PAX5: variants seen among roughly 807,000 people sequenced by gnomAD.
The protein encoded by PAX5 is paired box protein Pax-5.
Under a neutral mutation model 43.7 loss-of-function variants are expected in PAX5, and 9 were observed. The observed-to-expected ratio is 0.21, with a 90% CI of 0.12 to 0.36. The LOEUF is 0.36. Ranked by LOEUF, PAX5 falls within the 10% of genes least tolerant of loss-of-function variation. The pLI, the probability that PAX5 is intolerant of heterozygous loss-of-function variation, is 1.00. For synonymous variants in PAX5, 228 were observed against 214.3 expected (o/e 1.06, Z -0.56); for missense variants, 383 against 532.7 (o/e 0.72, Z 2.77).
At chr9:36,897,907 T>C (rs1327470496) in intron 7 of PAX5, among the ~76,000 whole-genome samples, 2 of 152,208 alleles carry the variant, frequency 1.3e-5, no homozygotes, top group African/African-American at 2.4e-5. Context: ...GCCCGGGAGA[T>C]AGGGCTGAGC....
chr9:36,986,852 G>C (rs1402166935), intron 5 of PAX5, among the ~76,000 whole-genome samples: 2 of 152,206 alleles, frequency 1.3e-5, no homozygotes, highest in African/African-American at 4.8e-5. Flanking sequence ...TGAGCGACTC[G>C]CTTCCTGCTC....
intron 8 of PAX5, among the ~76,000 whole-genome samples, chr9:36,879,790 G>T (rs1001866518): frequency 6.6e-6 from 1 of 152,318 alleles, no homozygotes; most frequent in Middle Eastern, 3.4e-3. Context: ...GCCATCCATG[G>T]ACGCGGCTTG....
intron 8 of PAX5, among the ~76,000 whole-genome samples, chr9:36,859,071 G>A (rs921473284): frequency 2.0e-5 from 3 of 152,122 alleles, no homozygotes; most frequent in African/African-American, 7.2e-5. Flanking sequence ...GGACGCTCGG[G>A]GTTCACTGTG....
chr9:36,947,521 C>T (rs575129568), intron 6 of PAX5, among the ~76,000 whole-genome samples: 6 of 152,074 alleles, frequency 3.9e-5, no homozygotes, highest in East Asian at 1.9e-4. Flanking sequence ...CTCAGCCTCC[C>T]GAGTAGCTAT....
intron 7 of PAX5, among the ~76,000 whole-genome samples, chr9:36,892,349 GAT>G (rs1339189600): frequency 6.6e-6 from 1 of 152,200 alleles, no homozygotes; most frequent in African/African-American, 2.4e-5. Flanking sequence ...ATGCAAAGAT[GAT>G]AACAGTAACA....
intron 6 of PAX5, among the ~76,000 whole-genome samples, chr9:36,928,099 T>C (rs1830801134): frequency 6.6e-6 from 1 of 152,234 alleles, no homozygotes; most frequent in Non-Finnish European, 1.5e-5. Flanking sequence ...CTTACTCTGC[T>C]CCTGCATGAG....
At chr9:36,929,568 T>A (rs1360576605) in intron 6 of PAX5, among the ~76,000 whole-genome samples, 2 of 152,254 alleles carry the variant, frequency 1.3e-5, no homozygotes, top group Non-Finnish European at 2.9e-5. Flanking sequence ...CTTGGGGTTC[T>A]TTCTTAGGAT....
intron 7 of PAX5, among the ~76,000 whole-genome samples, chr9:36,909,814 A>ATTTTTT (rs752114508): frequency 0.041 from 3,778 of 91,784 alleles, 374 homozygotes; most frequent in African/African-American, 0.11. Flanking sequence ...AGACATTTTA[A>ATTTTTT]TTTTTTTTTT....
Position 36,916,804 on chromosome 9 carries a change from C to G in PAX5, c.910+6551G>C, listed in dbSNP as rs374251905. Among the ~76,000 whole-genome samples, 7 of 152,090 alleles carry G rather than the reference C, an allele frequency of 4.6e-5. No homozygotes were observed. In the East Asian group the frequency reaches 1.2e-3, roughly 25 times the overall value. ...GGTTCAAGTGGTTCTTGTGCCTCAG[C>G]CTCCCTAGTACCTGGGACTACAGGT... On this transcript the variant is annotated intron_variant, in intron 7 of 9. Transcript: ENST00000358127.
intron 7 of PAX5, among the ~76,000 whole-genome samples, chr9:36,913,247 C>G (rs963631674): frequency 1.3e-5 from 2 of 152,248 alleles, no homozygotes; most frequent in Admixed American, 6.5e-5. Flanking sequence ...GGGCCCAGGT[C>G]TCCTACCAGG....
At chr9:36,849,912 C>G (rs1563888832) in intron 8 of PAX5, among the ~76,000 whole-genome samples, 1 of 152,228 alleles carries the variant, frequency 6.6e-6, no homozygotes, top group Non-Finnish European at 1.5e-5. Context: ...GTCTGATTAT[C>G]TGAAGTGCCA....
intron 6 of PAX5, among the ~76,000 whole-genome samples, chr9:36,936,576 C>T (rs1831572260): frequency 6.6e-6 from 1 of 152,158 alleles, no homozygotes. Flanking sequence ...GGATCCCCAT[C>T]CTCAAATACC....
intron 5 of PAX5, among the ~76,000 whole-genome samples, chr9:37,000,251 G>A (rs922526000): frequency 1.3e-5 from 2 of 152,280 alleles, no homozygotes; most frequent in Middle Eastern, 3.4e-3. Flanking sequence ...CCACCCCTGG[G>A]ATCAAACGTG....
chr9:37,005,771 A>T (rs763538941), intron 4 of PAX5, among the ~76,000 whole-genome samples: 28 of 152,236 alleles, frequency 1.8e-4, no homozygotes, highest in Non-Finnish European at 3.8e-4. Flanking sequence ...TCCCCCAGCT[A>T]ACCAGCGGTG....
At chr9:37,031,359 A>C (rs1840964439) in intron 1 of PAX5, among the ~76,000 whole-genome samples, 6 of 152,112 alleles carry the variant, frequency 3.9e-5, no homozygotes, top group Admixed American at 3.3e-4. Context: ...GCTCTGTGAG[A>C]TGAAGCTTCA....
intron 6 of PAX5, among the ~76,000 whole-genome samples, chr9:36,930,015 C>T (rs1055218073): frequency 6.6e-6 from 1 of 151,956 alleles, no homozygotes; most frequent in African/African-American, 2.4e-5. Flanking sequence ...GCATGAGACA[C>T]CACACCCAGC....
At chr9:36,887,097 A>G (rs1442648734) in intron 7 of PAX5, among the ~76,000 whole-genome samples, 1 of 152,228 alleles carries the variant, frequency 6.6e-6, no homozygotes, top group Non-Finnish European at 1.5e-5. Context: ...TAAGCGGTAG[A>G]ACAGGGACTT....
intron 5 of PAX5, among the ~76,000 whole-genome samples, chr9:36,997,976 C>T (rs189826496): frequency 7.2e-5 from 11 of 152,328 alleles, no homozygotes; most frequent in African/African-American, 2.6e-4. Context: ...TCACAGAGTC[C>T]GAACCAGAAT....
intron 7 of PAX5, among the ~76,000 whole-genome samples, chr9:36,902,525 C>T (rs1465103384): frequency 2.6e-5 from 4 of 152,216 alleles, no homozygotes; most frequent in Non-Finnish European, 5.9e-5. Flanking sequence ...TGGAAGTGTG[C>T]TCAGGCCACA....
Sources: allele counts gnomAD v4.1 joint callset (sites outside exome capture counted in the v4.1 genomes callset), GRCh38; gene constraint gnomAD v4.1.1; transcripts MANE v1.5; gene names NCBI Gene and HGNC (gene_info 2026-07-23, HGNC 2026-07-21).